Variants in STOX2 observed in about 807,000 individuals in gnomAD.
The protein encoded by STOX2 is storkhead box 2.
STOX2 carries 28 observed loss-of-function variants against 60.9 expected under a neutral mutation model. The ratio of observed to expected loss-of-function variants is 0.46; its 90% CI spans 0.34 to 0.63. The LOEUF (loss-of-function observed/expected upper bound fraction) is 0.63. STOX2 is among the 30% of genes least tolerant of loss of function. The pLI is 0.01. For synonymous variants in STOX2, 472 were observed against 463.9 expected (o/e 1.02, Z -0.22); for missense variants, 1,024 against 1,187.7 (o/e 0.86, Z 2.03).
chr4:183,879,301 T>C (rs6847765), intron 1 of STOX2, among the ~76,000 whole-genome samples: 1 of 152,200 alleles, frequency 6.6e-6, no homozygotes, highest in Non-Finnish European at 1.5e-5. Flanking sequence ...TTGTACGCCT[T>C]TCTGCTCTCG....
chr4:183,916,990 G>A (rs1030921942), intron 1 of STOX2, among the ~76,000 whole-genome samples: 27 of 152,220 alleles, frequency 1.8e-4, no homozygotes, highest in East Asian at 7.7e-4. Context: ...TGAAATAACC[G>A]ACACATCTGC....
At chr4:183,989,391 G>A (rs1384632220) in intron 1 of STOX2, among the ~76,000 whole-genome samples, 3 of 151,992 alleles carry the variant, frequency 2.0e-5, no homozygotes, top group East Asian at 1.9e-4. Context: ...TAGTAGGGAC[G>A]GGGTTTCTCC....
At chr4:183,948,218 C>CA (rs760286920) in intron 1 of STOX2, among the ~76,000 whole-genome samples, 12,876 of 29,876 alleles carry the variant, frequency 0.43, 5,341 homozygotes, top group East Asian at 0.61. Context: ...AACTCCATCT[C>CA]AAAAAAAAAA....
chr4:183,926,821 C>T (rs1742254913), intron 1 of STOX2, among the ~76,000 whole-genome samples: 1 of 152,134 alleles, frequency 6.6e-6, no homozygotes, highest in Non-Finnish European at 1.5e-5. Context: ...GGGGTTTCGC[C>T]ATGTTGGCCA....
At chr4:183,937,699 G>A (rs1452180560) in intron 1 of STOX2, among the ~76,000 whole-genome samples, 9 of 152,200 alleles carry the variant, frequency 5.9e-5, no homozygotes, top group Middle Eastern at 3.4e-3. Context: ...AACGTGTGGC[G>A]TTTTAAGGTT....
chr4:183,853,062 T>TA (rs1740198768), intron 1 of STOX2, among the ~76,000 whole-genome samples: 1 of 152,170 alleles, frequency 6.6e-6, no homozygotes, highest in Non-Finnish European at 1.5e-5. Flanking sequence ...GAGTGGGACT[T>TA]ACGGTCACCC....
At position 184,010,528 on chromosome 4, in the gene STOX2, A is replaced by G. The variant is rs2111248916; in HGVS notation, c.1690A>G (p.Lys564Glu). The change falls in exon 3 of 4, where the codon AAG (lysine) becomes GAG (glutamate). Residue 564 changes from lysine to glutamate, a missense_variant. Physicochemically the swap from Lys to Glu is moderately conservative, Grantham distance 56. Transcript: ENST00000308497. The surrounding 1 kb of genome is among the most constrained non-coding windows in gnomAD (Gnocchi z 4.5). ...TATTCCAGAGATAGTCAGTGGCAGC[A>G]AGGAACCGTCCAGCGCTTGCAGCCT... ...VCIPEIVSGS[K>E]EPSSACSLLE... 2 of 1,613,944 alleles carry G rather than the reference A, an allele frequency of 1.2e-6. No individual in the cohort carries two copies. Among genetic ancestry groups the G allele is most frequent in the Non-Finnish European group, 1.7e-6 (2 of 1,179,858 alleles).
At chr4:183,958,343 T>G (rs73002659) in intron 1 of STOX2, among the ~76,000 whole-genome samples, 2,505 of 152,202 alleles carry the variant, frequency 0.016, 71 homozygotes, top group African/African-American at 0.057. Context: ...TCTCCTCTCA[T>G]GATTAATTTT....
At chr4:183,868,721 A>G (rs1337190561) in intron 1 of STOX2, among the ~76,000 whole-genome samples, 1 of 152,218 alleles carries the variant, frequency 6.6e-6, no homozygotes, top group Non-Finnish European at 1.5e-5. Flanking sequence ...ACTCGAATTC[A>G]AGACTTCATG....
Position 183,976,556 on chromosome 4 carries a change from GGGGA to G in STOX2, c.167-24754_167-24751del, listed in dbSNP as rs201730861. The stretch of plus-strand genomic sequence containing the variant: ...CTATAGACACTGCAGACTACTAGAG[GGGGA>G]GGGAGGGAGGGAGGAGGGCATGGAT... On this transcript the variant is annotated intron_variant, in intron 1 of 3. Transcript: ENST00000308497. Among the ~76,000 whole-genome samples, 948 of 152,068 alleles carry G rather than the reference GGGGA, an allele frequency of 6.2e-3. 11 individuals carry two copies. Among genetic ancestry groups the G allele is most frequent in the Non-Finnish European group, 0.011 (733 of 67,978 alleles).
At chr4:183,939,768 T>C (rs1742699401) in intron 1 of STOX2, among the ~76,000 whole-genome samples, 1 of 152,166 alleles carries the variant, frequency 6.6e-6, no homozygotes, top group Non-Finnish European at 1.5e-5. Flanking sequence ...TGGGATGTGC[T>C]TCTTAACTTC....
rs374910107 is a variant in STOX2 at position 184,017,278 on chromosome 4, C to T, written c.2775C>T (p.Ser925=). 12 of 1,590,496 alleles carry T rather than the reference C, an allele frequency of 7.5e-6. No homozygotes were observed. Among genetic ancestry groups the T allele is most frequent in the African/African-American group, 2.7e-5 (2 of 74,408 alleles). Residue 925 remains serine, a synonymous_variant, in exon 4 of 4, where the codon AGC becomes AGT. Coordinates refer to ENST00000308497, the MANE Select transcript of STOX2 (RefSeq NM_020225.3). ...ACTGCTTGCAAGCTTCTGTTACTAG[C>T]GTGTGATTGTCCTTCTGCCTCAGAT... is the stretch of plus-strand genomic sequence containing the variant. ...PSNCLQASVT[S]V
At chr4:183,940,350 G>A (rs1742720210) in intron 1 of STOX2, among the ~76,000 whole-genome samples, 1 of 152,210 alleles carries the variant, frequency 6.6e-6, no homozygotes, top group South Asian at 2.1e-4. Flanking sequence ...AGACCCAAAC[G>A]ACTAAGCAGG....
intron 1 of STOX2, among the ~76,000 whole-genome samples, chr4:183,958,904 G>A (rs1743334901): frequency 6.6e-6 from 1 of 151,690 alleles, no homozygotes. Flanking sequence ...AAAATTCAGG[G>A]ATGTGGGCAG....
At chr4:183,849,319 C>T (rs563004541) in intron 1 of STOX2, among the ~76,000 whole-genome samples, 1 of 152,334 alleles carries the variant, frequency 6.6e-6, no homozygotes, top group South Asian at 2.1e-4. Flanking sequence ...GGGTGCAAGA[C>T]CCCAGAGTGG....
At chr4:183,913,776 T>G (rs538886533) in intron 1 of STOX2, among the ~76,000 whole-genome samples, 2 of 151,918 alleles carry the variant, frequency 1.3e-5, no homozygotes, top group Non-Finnish European at 2.9e-5. Flanking sequence ...GTCTGGAGTG[T>G]GGGGGTGGAG....
At position 183,825,459 on chromosome 4, in the gene STOX2, G is replaced by A. The variant is rs145019898; in HGVS notation, c.364+27404G>A. On this transcript the variant is annotated intron_variant, in intron 1 of 2. Coordinates refer to the STOX2 transcript ENST00000513034. This position sits in a 1 kb window ranked among gnomAD's most constrained non-coding sequence, Gnocchi z 4.1. ...TGTCATCTCCTAGCATCCCTGGACC[G>A]CAAAACAGGCTTGCACTGGGTGGCA... 5.2e-3 allele frequency among the ~76,000 whole-genome samples: 794 copies of A among 152,286 alleles called. 4 individuals carry two copies. The highest frequency in any genetic ancestry group is 0.017 in the African/African-American group (702 of 41,554).
chr4:183,932,463 G>A (rs1171069444), intron 1 of STOX2, among the ~76,000 whole-genome samples: 1 of 104,640 alleles, frequency 9.6e-6, no homozygotes. Flanking sequence ...TATACATACA[G>A]TATATGTATG....
At chr4:183,987,240 C>T (rs1345585805) in intron 1 of STOX2, among the ~76,000 whole-genome samples, 1 of 152,138 alleles carries the variant, frequency 6.6e-6, no homozygotes. Flanking sequence ...TGTGTTCTCT[C>T]TCTCAACTGC....
Sources: gnomAD v4.1 joint callset for allele counts (sites outside exome capture counted in the v4.1 genomes callset) on GRCh38, gnomAD v4.1.1 for gene constraint, Gnocchi (gnomAD v3.1) non-coding constraint, MANE v1.5 for transcripts, NCBI Gene and HGNC (gene_info 2026-07-23, HGNC 2026-07-21) for gene names.